STARD13: variants seen among roughly 807,000 people sequenced by gnomAD.
STARD13 encodes stAR-related lipid transfer protein 13.
A neutral mutation model predicts 106.4 loss-of-function variants in STARD13; 62 were observed. The observed-to-expected ratio is 0.58, with a 90% CI of 0.48 to 0.72. The LOEUF (loss-of-function observed/expected upper bound fraction) is 0.72, where lower values mean the gene tolerates loss of function less well. Among genes scored for constraint, STARD13 ranks in the 30% least tolerant of loss-of-function variants. STARD13 has a pLI of 0.00. For synonymous variants in STARD13, 565 were observed against 553.0 expected (o/e 1.02, Z -0.31); for missense variants, 1,387 against 1,424.0 (o/e 0.97, Z 0.42).
At chr13:33,179,201 A>C (rs755395981) in intron 1 of STARD13, among the ~76,000 whole-genome samples, 7 of 152,172 alleles carry the variant, frequency 4.6e-5, no homozygotes, top group Non-Finnish European at 7.3e-5. Flanking sequence ...CCTTTATTTG[A>C]GGGCATAATT....
rs180815606 is a variant in STARD13 at position 33,264,482 on chromosome 13, G to A, written c.169+20988C>T. ...CAGGGAATGAGTCTGCCATTGGCATGGAGAGGCAATTAGGGTCACGTATTT... is the reference window on the plus strand; with the variant it reads ...CAGGGAATGAGTCTGCCATTGGCATAGAGAGGCAATTAGGGTCACGTATTT... On this transcript the variant is annotated intron_variant, in intron 1 of 13. Transcript: ENST00000336934. 1.9e-3 allele frequency among the ~76,000 whole-genome samples: 282 copies of A among 152,304 alleles called. 1 individual carries two copies. The highest frequency in any genetic ancestry group is 2.5e-3 in the Non-Finnish European group (172 of 68,024).
chr13:33,214,177 A>G (rs2555614), intron 1 of STARD13, among the ~76,000 whole-genome samples: 38,306 of 152,226 alleles, frequency 0.25, 5,419 homozygotes, highest in Middle Eastern at 0.37. Context: ...CTTAAAGAGG[A>G]TTCTGAAAGT....
At chr13:33,466,447 C>T in the STARD13 span, among the ~76,000 whole-genome samples, 2 of 152,138 alleles carry the variant, frequency 1.3e-5, no homozygotes, top group South Asian at 2.1e-4. Context: ...TCCCTCAGCC[C>T]CCTACTGGCT....
chr13:33,228,011 A>G (rs1888711636), intron 1 of STARD13, among the ~76,000 whole-genome samples: 1 of 152,234 alleles, frequency 6.6e-6, no homozygotes, highest in African/African-American at 2.4e-5. Flanking sequence ...GCAGTTTTTA[A>G]CAGTTGCGTG....
intron 1 of STARD13, among the ~76,000 whole-genome samples, chr13:33,269,198 T>C (rs1371060755): frequency 6.6e-6 from 1 of 152,210 alleles, no homozygotes; most frequent in African/African-American, 2.4e-5. Context: ...GCTTAGTAAC[T>C]ACCCTTTTCC....
intron 1 of STARD13, among the ~76,000 whole-genome samples, chr13:33,330,813 G>A (rs1342568945): frequency 2.0e-5 from 3 of 152,208 alleles, no homozygotes; most frequent in Non-Finnish European, 4.4e-5. Flanking sequence ...CCCAGAGACC[G>A]GAAACCCAGA....
chr13:33,308,495 TC>T (rs1344388238), intron 1 of STARD13, among the ~76,000 whole-genome samples: 1 of 150,446 alleles, frequency 6.6e-6, no homozygotes, highest in Non-Finnish European at 1.5e-5. Context: ...TTTCTTTTCT[TC>T]CTTTTTTCTT....
At chr13:33,503,091 C>A in the STARD13 span, among the ~76,000 whole-genome samples, 8,975 of 152,244 alleles carry the variant, frequency 0.059, 346 homozygotes, top group East Asian at 0.14. Flanking sequence ...GATTTAACTT[C>A]TTCCTGGTTT....
the STARD13 span, among the ~76,000 whole-genome samples, chr13:33,585,704 A>G: frequency 6.6e-6 from 1 of 152,258 alleles, no homozygotes; most frequent in Non-Finnish European, 1.5e-5. Context: ...AAAGATAAAA[A>G]TAATGTAGTA....
chr13:33,383,265 G>T, the STARD13 span, among the ~76,000 whole-genome samples: 1 of 152,210 alleles, frequency 6.6e-6, no homozygotes, highest in South Asian at 2.1e-4. Context: ...GGCCACAGTG[G>T]CTCATGTCTG....
the STARD13 span, among the ~76,000 whole-genome samples, chr13:33,456,941 T>G: frequency 6.6e-6 from 1 of 152,354 alleles, no homozygotes; most frequent in South Asian, 2.1e-4. Context: ...TCTCAAAGCC[T>G]AAAACATTTA....
intron 4 of STARD13, among the ~76,000 whole-genome samples, chr13:33,135,144 T>C (rs1477833009): frequency 1.3e-5 from 2 of 152,176 alleles, no homozygotes; most frequent in Non-Finnish European, 1.5e-5. Context: ...CACAACCTCC[T>C]GGGGTGGACA....
At chr13:33,288,074 A>T (rs1483755418), upstream of STARD13, among the ~76,000 whole-genome samples, 2 of 151,980 alleles carry the variant, frequency 1.3e-5, no homozygotes, top group African/African-American at 4.8e-5. Flanking sequence ...GAAGGATTGC[A>T]GTGTGTCAAG....
the STARD13 span, among the ~76,000 whole-genome samples, chr13:33,374,336 A>C: frequency 6.6e-6 from 1 of 152,110 alleles, no homozygotes; most frequent in Non-Finnish European, 1.5e-5. Context: ...GATAATGAAA[A>C]AGTTCTGGAG....
At chr13:33,382,434 T>G in the STARD13 span, among the ~76,000 whole-genome samples, 1 of 152,154 alleles carries the variant, frequency 6.6e-6, no homozygotes, top group East Asian at 1.9e-4. Context: ...GCCATGTATC[T>G]CTTCCTACTT....
the STARD13 span, among the ~76,000 whole-genome samples, chr13:33,553,529 A>G: frequency 2.0e-5 from 3 of 151,950 alleles, no homozygotes; most frequent in African/African-American, 7.2e-5. Flanking sequence ...GTATTTGATC[A>G]TAGTTTGAGT....
At chr13:33,416,497 T>C in the STARD13 span, among the ~76,000 whole-genome samples, 1 of 152,188 alleles carries the variant, frequency 6.6e-6, no homozygotes, top group South Asian at 2.1e-4. Context: ...GAGGATGTAG[T>C]CTGTAGTTTC....
the STARD13 span, among the ~76,000 whole-genome samples, chr13:33,358,272 T>A: frequency 6.6e-6 from 1 of 152,170 alleles, no homozygotes; most frequent in Non-Finnish European, 1.5e-5. Context: ...ACCCACTCCA[T>A]GGGCTCCTGT....
the STARD13 span, among the ~76,000 whole-genome samples, chr13:33,628,148 AACACACAC>A: frequency 5.2e-4 from 69 of 133,438 alleles, 1 homozygote; most frequent in South Asian, 6.8e-3. Flanking sequence ...TCTCTTGTAA[AACACACAC>A]ACACACACAC....
Sources: allele counts gnomAD v4.1 joint callset (sites outside exome capture counted in the v4.1 genomes callset), GRCh38; gene constraint gnomAD v4.1.1; transcripts MANE v1.5; gene names NCBI Gene and HGNC (gene_info 2026-07-23, HGNC 2026-07-21).